Variants in DBT observed in about 807,000 individuals in gnomAD.
The protein encoded by DBT is dihydrolipoamide branched chain transacylase E2.
Under a neutral mutation model 51.3 loss-of-function variants are expected in DBT, and 40 were observed. The ratio of observed to expected loss-of-function variants is 0.78; its 90% confidence interval spans 0.61 to 1.02. The LOEUF (loss-of-function observed/expected upper bound fraction) is 1.02, where lower values mean the gene tolerates loss of function less well. Ranked by LOEUF, DBT falls within the 50% of genes least tolerant of loss-of-function variation. The probability of loss-of-function intolerance (pLI) is 0.00; values close to 1 mark genes in which losing one functional copy is unlikely to be tolerated. For missense variants in DBT, 510 were observed against 580.2 expected, an observed-to-expected ratio of 0.88 and a Z score of 1.24; for synonymous variants, 181 against 190.4, an observed-to-expected ratio of 0.95 and a Z score of 0.41.
At position 100,214,907 on chromosome 1, in the gene DBT, G is replaced by A. The variant is rs763730151; in HGVS notation, c.849C>T (p.Asp283=). 2 of 1,613,426 alleles carry A rather than the reference G, an allele frequency of 1.2e-6. No homozygotes were observed. The highest frequency in any genetic ancestry group is 2.2e-5 in the South Asian group (2 of 91,068). Residue 283 remains aspartate, a synonymous_variant, in exon 7 of 11, where the codon GAC becomes GAT. Transcript: ENST00000370132. ...IPHFGYCDEI[D]LTELVKLREE... ...CTCGGAGCTTAACCAGTTCAGTAAG[G>A]TCAATCTCATCACAATAACCAAAAT...
chr1:100,239,083 T>C (rs1406862541), intron 2 of DBT, among the ~76,000 whole-genome samples: 4 of 152,194 alleles, frequency 2.6e-5, no homozygotes, highest in Admixed American at 1.3e-4. Flanking sequence ...TATAAGGATC[T>C]TTGTTTTGTG....
chr1:100,201,148 A>T (rs908744135), intron 10 of DBT, among the ~76,000 whole-genome samples: 1 of 152,152 alleles, frequency 6.6e-6, no homozygotes, highest in Non-Finnish European at 1.5e-5. Flanking sequence ...GGAAGCTAGG[A>T]ACCTTGATAA....
chr1:100,244,151 G>A (rs1476872935), intron 1 of DBT, among the ~76,000 whole-genome samples: 1 of 151,528 alleles, frequency 6.6e-6, no homozygotes, highest in Non-Finnish European at 1.5e-5. Context: ...AGGCTTCTTG[G>A]AGGAAGATTT....
Position 100,188,456 on chromosome 1 carries a change from T to C in DBT, c.*7799A>G, listed in dbSNP as rs1344577918. On this transcript the variant is annotated 3_prime_UTR_variant, in exon 11 of 11. Transcript: ENST00000370132. ...GCACATCTTAGGAACTATTATGAAG[T>C]TTTCTCGCAGCACACTTGAAGTTAA... The C allele has an allele frequency of 6.6e-6, 1 of 152,162 alleles. No homozygotes were observed. The highest frequency in any genetic ancestry group is 1.5e-5 in the Non-Finnish European group (1 of 68,018). The allele number at this position is 152,162 out of a possible 1,614,324, so 9.4% of individuals were successfully genotyped here.
intron 8 of DBT, among the ~76,000 whole-genome samples, chr1:100,208,499 T>C (rs537245329): frequency 1.3e-5 from 2 of 152,332 alleles, no homozygotes; most frequent in Non-Finnish European, 2.9e-5. Context: ...ACACACTGTT[T>C]ATAAGTTTGA....
At position 100,194,055 on chromosome 1, in the gene DBT, T is replaced by C. The variant is rs1667441730; in HGVS notation, c.*2200A>G. 6.6e-6 allele frequency: 1 copy of C among 152,254 alleles called. No individual in the cohort carries two copies. The highest frequency in any genetic ancestry group is 2.4e-5 in the African/African-American group (1 of 41,482). The allele number at this position is 152,254 out of a possible 1,614,324, so 9.4% of individuals were successfully genotyped here. A position where few individuals can be genotyped will look rare whatever the true frequency, so the allele number is the denominator to read the frequency against. The stretch of plus-strand genomic sequence containing the variant: ...AAGAATAGCCATACATACAGATAGA[T>C]ACATCAAAATGTTAATAGTGGTAAG... On this transcript the variant is annotated 3_prime_UTR_variant, in exon 11 of 11. Transcript: ENST00000370132.
At chr1:100,215,842 G>T in intron 6 of DBT, 141 bp downstream of exon 6, 1 of 672,270 alleles carries the variant, frequency 1.5e-6, no homozygotes. Flanking sequence ...GAAAAGAAAA[G>T]AAAAATTATA....
chr1:100,225,043 A>AAATATATG lies in DBT; in HGVS notation c.433+5689_433+5690insCATATATT, dbSNP rs1553231586. On this transcript the variant is annotated intron_variant, in intron 4 of 10. Coordinates refer to ENST00000370132, the MANE Select transcript of DBT (RefSeq NM_001918.5). ...CCCCCAAAAAAAAAAAAAAAAAAAA[A>AAATATATG]TATATATATACACACACACACACAC... Among the ~76,000 whole-genome samples the AAATATATG allele has an allele frequency of 4.4e-3, 191 of 43,020 alleles. 20 individuals are homozygous for AAATATATG. The highest frequency in any genetic ancestry group is 9.3e-3 in the East Asian group (10 of 1,078). The allele number at this position is 43,020 out of a possible 152,430, so 28.2% of individuals were successfully genotyped here. A position where few individuals can be genotyped will look rare whatever the true frequency, so the allele number is the denominator to read the frequency against.
At chr1:100,204,644 C>G (rs1042187643) in intron 10 of DBT, among the ~76,000 whole-genome samples, 1 of 152,024 alleles carries the variant, frequency 6.6e-6, no homozygotes, top group Admixed American at 6.6e-5. Context: ...CCCACATAGC[C>G]AAGATAATCC....
At chr1:100,221,499 G>C (rs1307103922) in intron 4 of DBT, among the ~76,000 whole-genome samples, 1 of 152,056 alleles carries the variant, frequency 6.6e-6, no homozygotes, top group African/African-American at 2.4e-5. Context: ...TGAGTATGTA[G>C]GACAGATTTC....
At chr1:100,206,832 C>T (rs1180548440) in intron 8 of DBT, among the ~76,000 whole-genome samples, 196 bp from the exon 9 acceptor site, 1 of 151,948 alleles carries the variant, frequency 6.6e-6, no homozygotes, top group Non-Finnish European at 1.5e-5. Context: ...GCCTGTAATC[C>T]CAGCACTCTG....
At position 100,206,481 on chromosome 1, in the gene DBT, A is replaced by C. The variant is rs763246178; in HGVS notation, c.1173T>G (p.Leu391=). 1.5e-5 allele frequency: 25 copies of C among 1,613,830 alleles called. No individual in the cohort carries two copies. Among genetic ancestry groups the C allele is most frequent in the Non-Finnish European group, 1.9e-5 (22 of 1,179,730 alleles). The change falls in exon 9 of 11, where the codon CTT becomes CTG. Residue 391 remains leucine (L), a synonymous_variant. Coordinates refer to ENST00000370132, the MANE Select transcript of DBT (RefSeq NM_001918.5). ...TGGAAAGAGTAAATGTTCCTCCTGT[A>C]AGATCAGTGGTGCTGAGCTGACTCA... The part of the protein sequence containing the change: ...GSVSQLSTTD[L]TGGTFTLSNI...
At chr1:100,245,224 T>TAATAAA (rs1664469506) in intron 1 of DBT, among the ~76,000 whole-genome samples, 1 of 147,212 alleles carries the variant, frequency 6.8e-6, no homozygotes, top group Non-Finnish European at 1.5e-5. Context: ...ATAATAATAA[T>TAATAAA]AATAAAATAA....
At chr1:100,213,593 C>G in intron 7 of DBT, 1 of 1,596,330 alleles carries the variant, frequency 6.3e-7, no homozygotes, top group Admixed American at 1.7e-5. Flanking sequence ...GGCCATCATC[C>G]TGTTCCCCTT....
chr1:100,240,983 C>A, intron 1 of DBT, 99 bp from the exon 2 acceptor site: 14 of 1,168,460 alleles, frequency 1.2e-5, no homozygotes, highest in Non-Finnish European at 1.5e-5. Flanking sequence ...AAAAGTAGAA[C>A]CATTGTCACA....
At chr1:100,237,838 T>C (rs1172438500) in intron 2 of DBT, among the ~76,000 whole-genome samples, 3 of 151,970 alleles carry the variant, frequency 2.0e-5, no homozygotes, top group Non-Finnish European at 2.9e-5. Flanking sequence ...AGGTCTCACT[T>C]TTCTGTGGCC....
Position 100,196,192 on chromosome 1 carries a change from G to T in DBT, c.*63C>A. 1 of 1,322,460 alleles carries T rather than the reference G, an allele frequency of 7.6e-7. No individual in the cohort carries two copies. The highest frequency in any genetic ancestry group is 1.1e-6 in the Non-Finnish European group (1 of 915,118). The allele number at this position is 1,322,460 out of a possible 1,614,324, so 81.9% of individuals were successfully genotyped here. ...TAAATTGTAAAGATGAACATGTGCT[G>T]GCACAGCTAGGGTTTACATACTCTT... On this transcript the variant is annotated 3_prime_UTR_variant, in exon 11 of 11. Coordinates refer to ENST00000370132, the MANE Select transcript of DBT (RefSeq NM_001918.5).
In DBT at chr1:100,188,007, T is replaced by C. The variant is rs2101811593; in HGVS notation, c.*8248A>G. On this transcript the variant is annotated 3_prime_UTR_variant, in exon 11 of 11. Coordinates refer to ENST00000370132, the MANE Select transcript of DBT (RefSeq NM_001918.5). ...GAGAAATTAGTGCACTAAAGGACAG[T>C]GGTGGTTTTTAAAAATGATTTCTTC... The C allele has an allele frequency of 6.6e-6, 1 of 152,234 alleles. No homozygotes were observed. Among genetic ancestry groups the C allele is most frequent in the Middle Eastern group, 3.4e-3 (1 of 294 alleles). The allele number at this position is 152,234 out of a possible 1,614,324, so 9.4% of individuals were successfully genotyped here. A position where few individuals can be genotyped will look rare whatever the true frequency, so the allele number is the denominator to read the frequency against.
intron 3 of DBT, among the ~76,000 whole-genome samples, chr1:100,232,818 A>G (rs975198441): frequency 2.6e-5 from 4 of 152,358 alleles, no homozygotes; most frequent in South Asian, 2.1e-4. Context: ...TATGACAGAA[A>G]TAGCAAAAGG....
Sources: allele counts gnomAD v4.1 joint callset (sites outside exome capture counted in the v4.1 genomes callset), GRCh38; gene constraint gnomAD v4.1.1; transcripts MANE v1.5; gene names NCBI Gene and HGNC (gene_info 2026-07-23, HGNC 2026-07-21).